Variants in LINGO2 observed in about 807,000 individuals in gnomAD.
LINGO2 encodes the protein leucine-rich repeat and immunoglobulin-like domain-containing nogo receptor-interacting protein 2.
A neutral mutation model predicts 30.6 loss-of-function variants in LINGO2; 14 were observed. That is an observed-to-expected ratio of 0.46 (90% CI 0.30 to 0.72). LINGO2 has a LOEUF of 0.72. LINGO2 is among the 30% of genes least tolerant of loss of function. LINGO2 has a pLI of 0.07. For synonymous variants in LINGO2, 317 were observed against 288.5 expected (o/e 1.10, Z -1.00); for missense variants, 729 against 751.7 (o/e 0.97, Z 0.35).
intron 4 of LINGO2, among the ~76,000 whole-genome samples, chr9:28,091,450 A>G (rs1826082866): frequency 6.6e-6 from 1 of 152,214 alleles, no homozygotes; most frequent in Admixed American, 6.5e-5. Context: ...CAAAACAGGG[A>G]AAGGATTCCC....
intron 4 of LINGO2, among the ~76,000 whole-genome samples, chr9:28,109,744 G>A (rs1363671213): frequency 6.6e-6 from 1 of 152,100 alleles, no homozygotes; most frequent in African/African-American, 2.4e-5. Context: ...AATAAGAGAG[G>A]ACACAAACAA....
chr9:28,762,516 G>A, the LINGO2 span, among the ~76,000 whole-genome samples: 3 of 151,972 alleles, frequency 2.0e-5, no homozygotes, highest in Non-Finnish European at 4.4e-5. Flanking sequence ...CTAAAGTTGA[G>A]GTGATAAGGA....
At chr9:28,690,315 T>G in the LINGO2 span, among the ~76,000 whole-genome samples, 1 of 152,110 alleles carries the variant, frequency 6.6e-6, no homozygotes, top group Non-Finnish European at 1.5e-5. Context: ...GGGTGACCTA[T>G]GAGCAAAAGA....
intron 4 of LINGO2, among the ~76,000 whole-genome samples, chr9:28,056,177 G>C (rs1393337835): frequency 6.6e-6 from 1 of 152,092 alleles, no homozygotes; most frequent in Non-Finnish European, 1.5e-5. Context: ...ACGATTGGTC[G>C]GCTGCTTAAT....
chr9:28,142,905 GT>G (rs1389800879), intron 4 of LINGO2, among the ~76,000 whole-genome samples: 10 of 152,148 alleles, frequency 6.6e-5, no homozygotes, highest in African/African-American at 2.4e-4. Context: ...TTAACAGTTG[GT>G]TTAGTTGGCA....
intron 2 of LINGO2, among the ~76,000 whole-genome samples, chr9:28,469,458 A>C (rs535213749): frequency 2.0e-5 from 3 of 152,120 alleles, no homozygotes; most frequent in Non-Finnish European, 4.4e-5. Context: ...ATGAATCTAT[A>C]AGCCCAAGAA....
At chr9:28,780,731 C>A in the LINGO2 span, among the ~76,000 whole-genome samples, 4 of 151,836 alleles carry the variant, frequency 2.6e-5, no homozygotes, top group East Asian at 7.7e-4. Flanking sequence ...GTTCCTGGGT[C>A]CTGTGATGTG....
chr9:28,111,066 A>G (rs1826766687), intron 4 of LINGO2, among the ~76,000 whole-genome samples: 1 of 152,182 alleles, frequency 6.6e-6, no homozygotes, highest in Non-Finnish European at 1.5e-5. Flanking sequence ...ATAAAAAATA[A>G]TGAGTTCATG....
intron 1 of LINGO2, among the ~76,000 whole-genome samples, chr9:28,602,535 G>C (rs1207491036): frequency 1.3e-5 from 2 of 151,982 alleles, no homozygotes; most frequent in Non-Finnish European, 2.9e-5. Context: ...ATACATCAAA[G>C]TGAGTGATTA....
At chr9:28,974,374 C>G in the LINGO2 span, among the ~76,000 whole-genome samples, 3 of 152,014 alleles carry the variant, frequency 2.0e-5, no homozygotes, top group Admixed American at 6.5e-5. Flanking sequence ...CCACTGCACT[C>G]CAGCCTGGGC....
chr9:28,087,138 C>T (rs916023578), intron 4 of LINGO2, among the ~76,000 whole-genome samples: 4 of 151,990 alleles, frequency 2.6e-5, no homozygotes, highest in Non-Finnish European at 5.9e-5. Flanking sequence ...AAGCTGAGGC[C>T]ATCCCAGACC....
chr9:28,992,873 A>G, the LINGO2 span, among the ~76,000 whole-genome samples: 1 of 152,096 alleles, frequency 6.6e-6, no homozygotes, highest in African/African-American at 2.4e-5. Flanking sequence ...CAGTGTGTAG[A>G]GGGAAATTTA....
chr9:28,181,081 G>T (rs913300870), intron 4 of LINGO2, among the ~76,000 whole-genome samples: 1 of 152,060 alleles, frequency 6.6e-6, no homozygotes, highest in Admixed American at 6.6e-5. Flanking sequence ...TAGATGCCAG[G>T]GTAAGCTGTT....
intron 4 of LINGO2, among the ~76,000 whole-genome samples, chr9:28,093,824 G>C (rs547880342): frequency 5.9e-5 from 9 of 151,862 alleles, no homozygotes; most frequent in Admixed American, 5.9e-4. Context: ...CTTGAAATGT[G>C]TCTCTTTCCC....
At chr9:29,108,038 T>C in the LINGO2 span, among the ~76,000 whole-genome samples, 2 of 152,122 alleles carry the variant, frequency 1.3e-5, no homozygotes, top group Admixed American at 6.5e-5. Flanking sequence ...ACCTGAGAAC[T>C]ATAAAGGCTC....
chr9:28,563,290 C>G (rs1057502952), intron 1 of LINGO2, among the ~76,000 whole-genome samples: 7 of 152,126 alleles, frequency 4.6e-5, no homozygotes, highest in African/African-American at 1.4e-4. Flanking sequence ...TTTATACTAT[C>G]TCCTCTCTGG....
chr9:28,915,957 A>G, the LINGO2 span, among the ~76,000 whole-genome samples: 1 of 152,124 alleles, frequency 6.6e-6, no homozygotes, highest in Non-Finnish European at 1.5e-5. Flanking sequence ...GGCTCTGTAA[A>G]CTAAAAATAA....
At chr9:28,685,923 T>C in the LINGO2 span, among the ~76,000 whole-genome samples, 2 of 151,976 alleles carry the variant, frequency 1.3e-5, no homozygotes, top group Non-Finnish European at 2.9e-5. Flanking sequence ...GTCCAGACTA[T>C]ATGAAGACGA....
At chr9:28,366,369 C>T (rs759393398) in intron 3 of LINGO2, among the ~76,000 whole-genome samples, 13 of 152,152 alleles carry the variant, frequency 8.5e-5, no homozygotes, top group Non-Finnish European at 1.8e-4. Context: ...GTTACCTGTG[C>T]CCTGGATAGC....
Sources: gnomAD v4.1 joint callset for allele counts (sites outside exome capture counted in the v4.1 genomes callset) on GRCh38, gnomAD v4.1.1 for gene constraint, MANE v1.5 for transcripts, NCBI Gene and HGNC (gene_info 2026-07-23, HGNC 2026-07-21) for gene names.